Variants in INTS2 observed in about 807,000 individuals in gnomAD.
INTS2 encodes KIAA1287.
Under a neutral mutation model 139.6 loss-of-function variants are expected in INTS2, and 57 were observed. The observed-to-expected ratio is 0.41, with a 90% confidence interval of 0.33 to 0.51. The LOEUF (loss-of-function observed/expected upper bound fraction) is 0.51, where lower values mean the gene tolerates loss of function less well. Among genes scored for constraint, INTS2 ranks in the 20% least tolerant of loss-of-function variants. The pLI is 0.28. For synonymous variants in INTS2, 473 were observed against 493.4 expected, an observed-to-expected ratio of 0.96 and a Z score of 0.55; for missense variants, 1,196 against 1,436.7, an observed-to-expected ratio of 0.83 and a Z score of 2.71.
rs1293306942 is a variant in INTS2 at position 61,909,829 on chromosome 17, G to A, written c.954+1691C>T. ...TGTGTGTGTACATGTGTGTATGTGTGTGTGTGTGTGTGTGTGTGTGTGTGT... is the reference window on the plus strand; with the variant it reads ...TGTGTGTGTACATGTGTGTATGTGTATGTGTGTGTGTGTGTGTGTGTGTGT... On this transcript the variant is annotated intron_variant, in intron 7 of 24. Transcript: ENST00000251334. The surrounding 1 kb of genome is among the most constrained non-coding windows in gnomAD (Gnocchi z 4.9). Among the ~76,000 whole-genome samples, 3 of 57,582 alleles carry A rather than the reference G, an allele frequency of 5.2e-5. No individual in the cohort carries two copies. Among genetic ancestry groups the A allele is most frequent in the South Asian group, 4.9e-4 (1 of 2,034 alleles). 37.8% of individuals were successfully genotyped at this position (57,582 alleles called of 152,430 possible). A position where few individuals can be genotyped will look rare whatever the true frequency, so the allele number is the denominator to read the frequency against.
chr17:61,872,198 T>G lies in INTS2; in HGVS notation c.2778+67A>C. The G allele has an allele frequency of 9.7e-7, 1 of 1,025,990 alleles. No individual in the cohort carries two copies. The highest frequency in any genetic ancestry group is 1.4e-6 in the Non-Finnish European group (1 of 692,096). 63.6% of individuals were successfully genotyped at this position (1,025,990 alleles called of 1,614,324 possible). ...ATGGAGCGCACAATGTGCCATCTAT[T>G]GAACTGATTATACTAGTAGAGAAGC... On this transcript the variant is annotated intron_variant, in intron 20 of 24. Transcript: ENST00000251334. The surrounding 1 kb of genome is among the most constrained non-coding windows in gnomAD (Gnocchi z 4.8).
chr17:61,925,080 T>C lies in INTS2; in HGVS notation c.313A>G (p.Ser105Gly). The C allele has an allele frequency of 1.2e-6, 2 of 1,613,646 alleles. No individual in the cohort carries two copies. Among genetic ancestry groups the C allele is most frequent in the South Asian group, 1.1e-5 (1 of 91,022 alleles). The part of the protein sequence containing the change: ...QQLRHKLGGG[S>G]GESILVSQLQ... ...TGTGATACCAGGATGCTCTCTCCAC[T>C]GCCTCCTCCAAGTTTATGCCTAATG... Residue 105 changes from serine (S) to glycine (G), a missense_variant, in exon 3 of 25, where the codon AGT (serine) becomes GGT (glycine). Ser to Gly is a moderately conservative substitution (Grantham distance 56, BLOSUM62 0). Around this residue, in one of 3 missense-constraint regions of INTS2, gnomAD observed 1,129 missense variants for 1,341.9 expected, o/e 0.84. Transcript: ENST00000251334.
Position 61,873,721 on chromosome 17 carries a change from G to A in INTS2, c.2582+1192C>T, listed in dbSNP as rs1192883438. On this transcript the variant is annotated intron_variant, in intron 19 of 24. Transcript: ENST00000251334. This position sits in a 1 kb window ranked among gnomAD's most constrained non-coding sequence, Gnocchi z 4.0. ...CTAATTTTGTAGATTTTGTCACTTC[G>A]AGAATGTCATCCCTTGGTTGATGAC... 2.0e-5 allele frequency among the ~76,000 whole-genome samples: 3 copies of A among 151,972 alleles called. No homozygotes were observed. The highest frequency in any genetic ancestry group is 2.4e-5 in the African/African-American group (1 of 41,358).
Position 61,869,661 on chromosome 17 carries a change from T to C in INTS2, c.3030+76A>G. Reference sequence around the variant, plus strand: ...TGTGTTTTCTCTGGTTTCTAAATGATCCCTGTTAATATAGTATTCAAAGCC... The same window carrying C: ...TGTGTTTTCTCTGGTTTCTAAATGACCCCTGTTAATATAGTATTCAAAGCC... On this transcript the variant is annotated intron_variant, in intron 21 of 24. Coordinates refer to ENST00000251334, the MANE Select transcript of INTS2 (RefSeq NM_001351695.2). This position sits in a 1 kb window ranked among gnomAD's most constrained non-coding sequence, Gnocchi z 5.4. 1 of 1,461,928 alleles carries C rather than the reference T, an allele frequency of 6.8e-7. No homozygotes were observed. The highest frequency in any genetic ancestry group is 1.4e-5 in the African/African-American group (1 of 70,656). The allele number at this position is 1,461,928 out of a possible 1,614,324, so 90.6% of individuals were successfully genotyped here. A position where few individuals can be genotyped will look rare whatever the true frequency, so the allele number is the denominator to read the frequency against.
At chr17:61,883,904 G>A (rs936737021) in intron 16 of INTS2, among the ~76,000 whole-genome samples, 12 of 151,762 alleles carry the variant, frequency 7.9e-5, no homozygotes, top group African/African-American at 2.9e-4. Flanking sequence ...CGCTACTAGA[G>A]AGACTGAGGT....
chr17:61,912,037 T>C lies in INTS2; in HGVS notation c.683A>G (p.Gln228Arg). 1.2e-6 allele frequency: 2 copies of C among 1,613,802 alleles called. No individual in the cohort carries two copies. Among genetic ancestry groups the C allele is most frequent in the East Asian group, 2.2e-5 (1 of 44,868 alleles). ...CRGLIKNGER[Q>R]DEESLGGRRR... Reference sequence around the variant, plus strand: ...CCTTCCTCCAAGACTTTCTTCATCTTGTCGTTCTCCATTTTTTATCAGGCC... The same window carrying C: ...CCTTCCTCCAAGACTTTCTTCATCTCGTCGTTCTCCATTTTTTATCAGGCC... Residue 228 changes from glutamine to arginine, a missense_variant, in exon 6 of 25, where the codon CAA becomes CGA. Transcript: ENST00000251334.
At chr17:61,879,663 C>T (rs938727011) in intron 17 of INTS2, among the ~76,000 whole-genome samples, 2 of 152,050 alleles carry the variant, frequency 1.3e-5, no homozygotes, top group Admixed American at 6.6e-5. Flanking sequence ...CCAGCCTGGG[C>T]AACATGGCAA....
rs554961043 is a variant in INTS2 at position 61,912,040 on chromosome 17, C to A, written c.680G>T (p.Arg227Leu). ...VCRGLIKNGERQDEESLGGRR... is the reference protein window; with the variant it reads ...VCRGLIKNGELQDEESLGGRR... ...TCCTCCAAGACTTTCTTCATCTTGT[C>A]GTTCTCCATTTTTTATCAGGCCCCT... Residue 227 changes from arginine to leucine, a missense_variant, in exon 6 of 25, where the codon CGA becomes CTA. Transcript: ENST00000251334. The A allele has an allele frequency of 6.2e-7, 1 of 1,613,612 alleles. No homozygotes were observed. Among genetic ancestry groups the A allele is most frequent in the African/African-American group, 1.3e-5 (1 of 75,012 alleles).
At chr17:61,916,269 C>T (rs1420068285) in intron 5 of INTS2, among the ~76,000 whole-genome samples, 1 of 151,704 alleles carries the variant, frequency 6.6e-6, no homozygotes, top group East Asian at 1.9e-4. Context: ...CCCATCTCTA[C>T]TAAAAATACA....
chr17:61,893,831 CA>C lies in INTS2; in HGVS notation c.1631del (p.Leu544CysfsTer22). The C allele has an allele frequency of 6.3e-7, 1 of 1,583,406 alleles. No homozygotes were observed. Among genetic ancestry groups the C allele is most frequent in the Non-Finnish European group, 8.6e-7 (1 of 1,163,958 alleles). On this transcript the variant is annotated frameshift_variant, in exon 13 of 25. Transcript: ENST00000251334. LOFTEE classifies it high-confidence loss of function. The surrounding 1 kb of genome is among the most constrained non-coding windows in gnomAD (Gnocchi z 5.4). ...GAAGCTGGTAAATACAATGAATAGG[CA>C]AAAATCCAGTAATGTTGGCACTCAG... ...SNLSANITGF[L>X]PIHCIYQLLR...
intron 4 of INTS2, among the ~76,000 whole-genome samples, chr17:61,920,156 T>A (rs570878684): frequency 2.6e-5 from 4 of 151,452 alleles, no homozygotes; most frequent in African/African-American, 9.7e-5. Context: ...GTCTAAAGAG[T>A]TATTTTCACG....
chr17:61,894,987 G>T (rs545183411), intron 12 of INTS2, among the ~76,000 whole-genome samples: 1 of 152,234 alleles, frequency 6.6e-6, no homozygotes, highest in Non-Finnish European at 1.5e-5. Context: ...GGTTTAAATA[G>T]GACTTCATTT....
At chr17:61,880,885 A>G (rs1183307678) in intron 17 of INTS2, 122 bp downstream of exon 17, 2 of 781,260 alleles carry the variant, frequency 2.6e-6, no homozygotes, top group Admixed American at 2.7e-5. Context: ...TATACTTAAA[A>G]TACATTCACC....
intron 9 of INTS2, among the ~76,000 whole-genome samples, chr17:61,902,465 A>G (rs1406381586): frequency 6.6e-6 from 1 of 152,170 alleles, no homozygotes; most frequent in Non-Finnish European, 1.5e-5. Context: ...TGTAATATAC[A>G]TACCATAAGA....
chr17:61,884,360 G>A (rs1487183529), intron 16 of INTS2, among the ~76,000 whole-genome samples: 6 of 151,930 alleles, frequency 3.9e-5, no homozygotes, highest in Admixed American at 1.3e-4. Context: ...GCATGGTGGC[G>A]CACATGCCTG....
At chr17:61,925,384 G>C (rs1213804245) in intron 2 of INTS2, among the ~76,000 whole-genome samples, 2 of 151,778 alleles carry the variant, frequency 1.3e-5, no homozygotes, top group Non-Finnish European at 2.9e-5. Flanking sequence ...TTCGAGACCA[G>C]CCTGGCCAAT....
chr17:61,915,918 T>C (rs181041188), intron 5 of INTS2, among the ~76,000 whole-genome samples: 23 of 151,804 alleles, frequency 1.5e-4, no homozygotes, highest in African/African-American at 5.1e-4. Context: ...AATGGCCATA[T>C]TGCCCAAAGC....
chr17:61,877,795 G>C, intron 18 of INTS2, 92 bp downstream of exon 18: 1 of 953,640 alleles, frequency 1.0e-6, no homozygotes, highest in Non-Finnish European at 1.6e-6. Context: ...GCTATGAGTG[G>C]TGAAAAATTT....
At chr17:61,924,353 CCT>C (rs1281418709) in intron 3 of INTS2, among the ~76,000 whole-genome samples, 1 of 151,990 alleles carries the variant, frequency 6.6e-6, no homozygotes, top group Non-Finnish European at 1.5e-5. Context: ...GAGATAAATC[CCT>C]TTCTAAATGT....
Sources: gnomAD v4.1 joint callset for allele counts (sites outside exome capture counted in the v4.1 genomes callset) on GRCh38, gnomAD v4.1.1 for gene constraint, gnomAD v4.1.1 regional missense constraint, Gnocchi (gnomAD v3.1) non-coding constraint, MANE v1.5 for transcripts, NCBI Gene and HGNC (gene_info 2026-07-23, HGNC 2026-07-21) for gene names.